PTPRN2: variants seen among roughly 807,000 people sequenced by gnomAD.
PTPRN2 encodes the protein receptor-type tyrosine-protein phosphatase N2.
In PTPRN2, 74 loss-of-function variants were observed where a neutral mutation model predicts 118.8. The ratio of observed to expected loss-of-function variants is 0.62; its 90% confidence interval spans 0.52 to 0.76. The LOEUF is 0.76. Among genes scored for constraint, PTPRN2 ranks in the 30% least tolerant of loss-of-function variants. The pLI is 0.00. For synonymous variants in PTPRN2, 641 were observed against 608.0 expected (o/e 1.05, Z -0.80); for missense variants, 1,481 against 1,394.4 (o/e 1.06, Z -0.99).
chr7:158,486,211 G>C (rs112672998), intron 2 of PTPRN2, among the ~76,000 whole-genome samples: 252 of 152,360 alleles, frequency 1.7e-3, no homozygotes, highest in African/African-American at 5.9e-3. Context: ...GAACGTGCTG[G>C]CCAGTCAGCG....
intron 21 of PTPRN2, among the ~76,000 whole-genome samples, chr7:157,567,114 G>T (rs999501240): frequency 6.6e-6 from 1 of 152,210 alleles, no homozygotes; most frequent in African/African-American, 2.4e-5. Context: ...CAAATTCCAT[G>T]GATGGCTCTG....
At chr7:157,680,911 A>G (rs1796886907) in intron 13 of PTPRN2, among the ~76,000 whole-genome samples, 2 of 152,248 alleles carry the variant, frequency 1.3e-5, no homozygotes, top group African/African-American at 4.8e-5. Flanking sequence ...TATAAAATCA[A>G]TATCAACTTA....
intron 12 of PTPRN2, among the ~76,000 whole-genome samples, chr7:157,716,799 A>T (rs112728111): frequency 2.2e-4 from 4 of 18,590 alleles, no homozygotes; most frequent in Non-Finnish European, 2.1e-4. Flanking sequence ...TAGACTCTGC[A>T]GGAACACTGC....
chr7:158,274,124 G>A (rs112432477), intron 3 of PTPRN2, among the ~76,000 whole-genome samples: 6,375 of 28,368 alleles, frequency 0.22, no homozygotes, highest in Middle Eastern at 0.35. Context: ...CCGCAGACAC[G>A]GGGAGCCGCA....
chr7:158,430,689 G>A (rs898081297), intron 2 of PTPRN2, among the ~76,000 whole-genome samples: 3 of 152,254 alleles, frequency 2.0e-5, no homozygotes, highest in African/African-American at 4.8e-5. Context: ...GGCCGACACC[G>A]TGTCACTGCA....
At chr7:158,177,994 TCCA>T in intron 5 of PTPRN2, among the ~76,000 whole-genome samples, 1 of 152,282 alleles carries the variant, frequency 6.6e-6, no homozygotes, top group South Asian at 2.1e-4. Flanking sequence ...ATATGAGAGG[TCCA>T]GCTCCTCCAC....
At chr7:157,965,417 C>T (rs895332305) in intron 11 of PTPRN2, among the ~76,000 whole-genome samples, 5 of 152,160 alleles carry the variant, frequency 3.3e-5, no homozygotes, top group African/African-American at 7.2e-5. Flanking sequence ...ATCTCACCAT[C>T]GAGAGACTGA....
chr7:157,855,011 TG>T (rs1809586364), intron 12 of PTPRN2: 1 of 90,102 alleles, frequency 1.1e-5, no homozygotes, highest in Admixed American at 1.4e-4. Context: ...GGGGTGTGTG[TG>T]GGGCTGGATC....
chr7:157,951,893 A>C (rs1293173856), intron 11 of PTPRN2, among the ~76,000 whole-genome samples: 1 of 151,586 alleles, frequency 6.6e-6, no homozygotes, highest in East Asian at 1.9e-4. Flanking sequence ...CCCTCTCTTC[A>C]TTGGCCCCGC....
At chr7:157,957,687 G>A (rs1316588041) in intron 11 of PTPRN2, among the ~76,000 whole-genome samples, 1 of 152,094 alleles carries the variant, frequency 6.6e-6, no homozygotes, top group Non-Finnish European at 1.5e-5. Context: ...AACCTACTGA[G>A]ACTGAGTCAT....
chr7:157,914,173 A>T (rs1234763857), intron 11 of PTPRN2, among the ~76,000 whole-genome samples: 1 of 152,188 alleles, frequency 6.6e-6, no homozygotes. Flanking sequence ...AAAATCACTT[A>T]TGACAAAGGA....
chr7:158,252,111 C>A (rs756734951), intron 3 of PTPRN2, among the ~76,000 whole-genome samples: 3 of 152,176 alleles, frequency 2.0e-5, no homozygotes, highest in Middle Eastern at 3.2e-3. Context: ...AAGCAGCCTG[C>A]CTCTCCAGTT....
intron 22 of PTPRN2, among the ~76,000 whole-genome samples, chr7:157,546,434 T>C (rs1798325381): frequency 6.6e-6 from 1 of 152,212 alleles, no homozygotes; most frequent in African/African-American, 2.4e-5. Context: ...CCCATCCCCC[T>C]TCCCCACTGA....
At chr7:157,641,386 G>A (rs1804655571) in intron 14 of PTPRN2, among the ~76,000 whole-genome samples, 1 of 152,180 alleles carries the variant, frequency 6.6e-6, no homozygotes, top group Admixed American at 6.5e-5. Context: ...GTGAGTGAGA[G>A]ATTAGCTTTT....
At chr7:158,489,700 A>G (rs1299120206) in intron 2 of PTPRN2, 35 bp downstream of exon 2, 1 of 1,552,292 alleles carries the variant, frequency 6.4e-7, no homozygotes. Context: ...GGAGAGGGGC[A>G]GACCAGGGCG....
chr7:158,209,637 C>A (rs1162961382), intron 3 of PTPRN2, among the ~76,000 whole-genome samples: 3 of 152,182 alleles, frequency 2.0e-5, no homozygotes, highest in Non-Finnish European at 4.4e-5. Context: ...CTGGACAGAT[C>A]ATTGAGACAG....
At chr7:158,309,557 C>T (rs1474905614) in intron 3 of PTPRN2, among the ~76,000 whole-genome samples, 1 of 152,114 alleles carries the variant, frequency 6.6e-6, no homozygotes, top group East Asian at 1.9e-4. Flanking sequence ...CTGACTAATG[C>T]ATTTGACAAG....
chr7:158,326,928 C>A (rs557846092), intron 2 of PTPRN2, among the ~76,000 whole-genome samples: 171 of 151,664 alleles, frequency 1.1e-3, no homozygotes, highest in Non-Finnish European at 1.9e-3. Context: ...CACGTTCTCA[C>A]ATGCACACAT....
At chr7:158,310,607 G>T (rs1001784933) in intron 3 of PTPRN2, among the ~76,000 whole-genome samples, 4 of 152,246 alleles carry the variant, frequency 2.6e-5, no homozygotes, top group Non-Finnish European at 5.9e-5. Context: ...TGCTCGGGAG[G>T]TTCCTCCATT....
Sources: gnomAD v4.1 joint callset for allele counts (sites outside exome capture counted in the v4.1 genomes callset) on GRCh38, gnomAD v4.1.1 for gene constraint, MANE v1.5 for transcripts, NCBI Gene and HGNC (gene_info 2026-07-23, HGNC 2026-07-21) for gene names.